The following CELF4 variants were observed in gnomAD, a reference collection of about 807,000 sequenced individuals.
The protein encoded by CELF4 is CUG-BP- and ETR-3-like factor 4.
In CELF4, 18 loss-of-function variants were observed where a neutral mutation model predicts 59.9. The ratio of observed to expected loss-of-function variants is 0.30; its 90% CI spans 0.21 to 0.45. CELF4 has a LOEUF of 0.45. CELF4 is among the 20% of genes least tolerant of loss of function. CELF4 has a pLI of 1.00. For synonymous variants in CELF4, 261 were observed against 267.1 expected (o/e 0.98, Z 0.22); for missense variants, 456 against 689.0 (o/e 0.66, Z 3.79).
chr18:37,490,590 TG>T (rs1226936752), intron 1 of CELF4, among the ~76,000 whole-genome samples: 5 of 152,082 alleles, frequency 3.3e-5, no homozygotes, highest in African/African-American at 1.2e-4. Context: ...GAGCCGGGGC[TG>T]GCTGCTGCGG....
At chr18:37,326,646 G>A (rs1456969462) in intron 2 of CELF4, among the ~76,000 whole-genome samples, 1 of 152,204 alleles carries the variant, frequency 6.6e-6, no homozygotes, top group Non-Finnish European at 1.5e-5. Flanking sequence ...AGGCTCCTGG[G>A]GTCAGTCCTC....
chr18:37,514,739 A>AT (rs1214997722), intron 1 of CELF4, among the ~76,000 whole-genome samples: 1 of 151,998 alleles, frequency 6.6e-6, no homozygotes, highest in African/African-American at 2.4e-5. Context: ...TCAATATATG[A>AT]TTTTTCCCCC....
At chr18:37,409,601 T>TG (rs796082178) in intron 2 of CELF4, among the ~76,000 whole-genome samples, 5 of 151,528 alleles carry the variant, frequency 3.3e-5, no homozygotes, top group African/African-American at 1.2e-4. Flanking sequence ...AAGCCAAGTG[T>TG]GGGGGGCTGC....
chr18:37,532,164 C>T lies in CELF4; in HGVS notation c.286+33192G>A, dbSNP rs148632996. On this transcript the variant is annotated intron_variant, in intron 1 of 12. Transcript: ENST00000420428. ...AATTGCTTTCTCCTTGCAGAGGGCACTTCTGCTGATCTTTGCATTTCACAA... is the reference window on the plus strand; with the variant it reads ...AATTGCTTTCTCCTTGCAGAGGGCATTTCTGCTGATCTTTGCATTTCACAA... 4.1e-4 allele frequency among the ~76,000 whole-genome samples: 62 copies of T among 152,334 alleles called. No individual in the cohort carries two copies. In the East Asian group the frequency reaches 6.4e-3, roughly 16 times the overall value.
At chr18:37,364,612 A>T (rs146139603) in intron 2 of CELF4, among the ~76,000 whole-genome samples, 165 of 152,332 alleles carry the variant, frequency 1.1e-3, no homozygotes, top group Admixed American at 1.5e-3. Flanking sequence ...TCAGCAGTGC[A>T]TACTATCCAC....
chr18:37,270,021 G>A (rs1412734688), intron 8 of CELF4, among the ~76,000 whole-genome samples: 2 of 152,200 alleles, frequency 1.3e-5, no homozygotes, highest in Admixed American at 6.5e-5. Flanking sequence ...TAGTTTACTA[G>A]AGGGCTTTGG....
intron 2 of CELF4, among the ~76,000 whole-genome samples, chr18:37,462,794 T>G (rs28449293): frequency 2.7e-3 from 240 of 88,394 alleles, no homozygotes; most frequent in Middle Eastern, 7.9e-3. Flanking sequence ...CATTATGAGG[T>G]TTTTTTTTTT....
At chr18:37,475,965 G>A (rs2099847715) in intron 2 of CELF4, among the ~76,000 whole-genome samples, 1 of 152,124 alleles carries the variant, frequency 6.6e-6, no homozygotes, top group African/African-American at 2.4e-5. Flanking sequence ...GGGACATATG[G>A]TCCAAACTGC....
intron 2 of CELF4, among the ~76,000 whole-genome samples, chr18:37,345,654 G>A (rs1238763822): frequency 6.6e-6 from 1 of 152,120 alleles, no homozygotes; most frequent in Non-Finnish European, 1.5e-5. Context: ...CTGAAGGCCT[G>A]GGAGGCTCTG....
At chr18:37,326,118 C>T (rs780958146) in intron 2 of CELF4, among the ~76,000 whole-genome samples, 10 of 152,050 alleles carry the variant, frequency 6.6e-5, no homozygotes, top group South Asian at 2.1e-4. Context: ...GAGAGGAGGC[C>T]GGGCCAGGCT....
chr18:37,259,621 AG>A (rs2154299666), intron 10 of CELF4, among the ~76,000 whole-genome samples: 1 of 152,290 alleles, frequency 6.6e-6, no homozygotes, highest in East Asian at 1.9e-4. Context: ...GGGAAGGCCC[AG>A]GAGATCCGGG....
rs557899501 is a variant in CELF4 at position 37,480,846 on chromosome 18, G to C, written c.369+4679C>G. 3.9e-5 allele frequency among the ~76,000 whole-genome samples: 6 copies of C among 152,130 alleles called. No homozygotes were observed. The East Asian group carries it at 1.2e-3, about 29-fold the overall frequency. On this transcript the variant is annotated intron_variant, in intron 2 of 12. Transcript: ENST00000420428. ...AGAGAGGAGAAAATGGGGGCACAAA[G>C]AGAAGAAAGAAAAAGAAAAAGAAAG...
chr18:37,265,780 C>T (rs774957254), intron 9 of CELF4, among the ~76,000 whole-genome samples: 1 of 152,194 alleles, frequency 6.6e-6, no homozygotes, highest in Non-Finnish European at 1.5e-5. Flanking sequence ...GTCCCCTCAC[C>T]CCTTGCCAGG....
At chr18:37,366,940 T>C (rs2098792688) in intron 2 of CELF4, among the ~76,000 whole-genome samples, 1 of 152,154 alleles carries the variant, frequency 6.6e-6, no homozygotes, top group African/African-American at 2.4e-5. Context: ...CTTCTTGGTT[T>C]CTCATTTAAG....
At chr18:37,524,517 G>C (rs2099961262) in intron 1 of CELF4, among the ~76,000 whole-genome samples, 1 of 152,202 alleles carries the variant, frequency 6.6e-6, no homozygotes, top group Non-Finnish European at 1.5e-5. Flanking sequence ...TTGACTTGAC[G>C]CGCCCTAATC....
chr18:37,535,481 G>A (rs1272797623), intron 1 of CELF4, among the ~76,000 whole-genome samples: 1 of 152,118 alleles, frequency 6.6e-6, no homozygotes, highest in Non-Finnish European at 1.5e-5. Context: ...AGATCTATAT[G>A]GCAAAATTCA....
intron 2 of CELF4, among the ~76,000 whole-genome samples, chr18:37,449,761 T>G (rs2099757984): frequency 6.6e-6 from 1 of 152,216 alleles, no homozygotes; most frequent in African/African-American, 2.4e-5. Flanking sequence ...CAAGTGAGCA[T>G]CTGAGAGCAG....
At chr18:37,251,322 C>T (rs1600125462) in intron 12 of CELF4, among the ~76,000 whole-genome samples, 1 of 152,158 alleles carries the variant, frequency 6.6e-6, no homozygotes, top group Non-Finnish European at 1.5e-5. Context: ...TTTTAAACCA[C>T]TCCTCCCAAG....
chr18:37,430,499 G>GGTGTGTAGC (rs1466645290), intron 2 of CELF4, among the ~76,000 whole-genome samples: 2 of 152,182 alleles, frequency 1.3e-5, no homozygotes, highest in Non-Finnish European at 2.9e-5. Flanking sequence ...CAGCAAGGAT[G>GGTGTGTAGC]GTGTGTAGCG....
Sources: allele counts gnomAD v4.1 joint callset (sites outside exome capture counted in the v4.1 genomes callset), GRCh38; gene constraint gnomAD v4.1.1; transcripts MANE v1.5; gene names NCBI Gene and HGNC (gene_info 2026-07-23, HGNC 2026-07-21).